Variants in KANSL1L observed in about 807,000 individuals in gnomAD.
KANSL1L encodes KAT8 regulatory NSL complex subunit 1-like protein.
Under a neutral mutation model 108.6 loss-of-function variants are expected in KANSL1L, and 25 were observed. That is an observed-to-expected ratio of 0.23 (90% CI 0.17 to 0.32). KANSL1L has a LOEUF of 0.32. KANSL1L is among the 10% of genes least tolerant of loss of function. The pLI is 1.00. For missense variants in KANSL1L, 1,137 were observed against 1,125.7 expected, an observed-to-expected ratio of 1.01 and a Z score of -0.14; for synonymous variants, 405 against 395.1, an observed-to-expected ratio of 1.03 and a Z score of -0.30.
At chr2:210,118,236 AGGCGG>A (rs2094975832) in intron 3 of KANSL1L, among the ~76,000 whole-genome samples, 1 of 150,462 alleles carries the variant, frequency 6.6e-6, no homozygotes, top group South Asian at 2.1e-4. Flanking sequence ...TGGGAGGCCG[AGGCGG>A]GTGGATCACT....
rs761534698 is a variant in KANSL1L, at chr2:210,153,880, G to A, written c.703C>T (p.Leu235Phe). The change falls in exon 2 of 15, where the codon CTT becomes TTT. Residue 235 changes from leucine (L) to phenylalanine (F), a missense_variant. Physicochemically the swap from Leu to Phe is conservative, Grantham distance 22. Coordinates refer to ENST00000281772, the MANE Select transcript of KANSL1L (RefSeq NM_152519.4). ...TTCTGAGTTCTTCTAGCCTGGCTAA[G>A]TAAAATTTTCTGTTTGCTTACACAA... ...LHCVSKQKIL[L>F]SQARRTQKHL... is the part of the protein sequence containing the mutation. The A allele has an allele frequency of 7.4e-6, 12 of 1,612,460 alleles. No homozygotes were observed. The highest frequency in any genetic ancestry group is 1.0e-5 in the Non-Finnish European group (12 of 1,179,670).
chr2:210,043,835 A>G (rs2094194801), intron 7 of KANSL1L, 104 bp downstream of exon 7: 2 of 804,620 alleles, frequency 2.5e-6, no homozygotes, highest in South Asian at 5.1e-5. Context: ...ATATCTACTG[A>G]AAAAAAATTG....
chr2:210,077,965 C>A (rs2094553945), intron 5 of KANSL1L, among the ~76,000 whole-genome samples: 1 of 152,136 alleles, frequency 6.6e-6, no homozygotes, highest in Admixed American at 6.6e-5. Flanking sequence ...AATGGGGATA[C>A]CTTCTGAGAA....
intron 5 of KANSL1L, among the ~76,000 whole-genome samples, chr2:210,085,193 TAAC>T (rs1184884024): frequency 1.3e-5 from 2 of 152,110 alleles, no homozygotes; most frequent in Admixed American, 6.5e-5. Context: ...ATAGTTAAAA[TAAC>T]AATCACTAGA....
intron 2 of KANSL1L, among the ~76,000 whole-genome samples, chr2:210,143,131 T>A (rs988951441): frequency 6.6e-6 from 1 of 152,158 alleles, no homozygotes; most frequent in African/African-American, 2.4e-5. Flanking sequence ...CTGATATTGG[T>A]TACATATGTT....
intron 6 of KANSL1L, among the ~76,000 whole-genome samples, chr2:210,069,172 T>C (rs2094488942): frequency 6.6e-6 from 1 of 152,212 alleles, no homozygotes; most frequent in Non-Finnish European, 1.5e-5. Flanking sequence ...CACCTCACAG[T>C]AGAATATAAT....
intron 2 of KANSL1L, among the ~76,000 whole-genome samples, chr2:210,132,958 A>G (rs942609749): frequency 6.6e-6 from 1 of 152,194 alleles, no homozygotes; most frequent in South Asian, 2.1e-4. Context: ...GGGAAAGTTT[A>G]TAATTATTAA....
At chr2:210,121,258 A>G (rs1315986264) in intron 3 of KANSL1L, among the ~76,000 whole-genome samples, 1 of 152,222 alleles carries the variant, frequency 6.6e-6, no homozygotes, top group African/African-American at 2.4e-5. Flanking sequence ...ATGCCCATCA[A>G]TGGTAGACTG....
intron 2 of KANSL1L, among the ~76,000 whole-genome samples, chr2:210,132,299 A>G (rs1218564877): frequency 1.3e-5 from 2 of 152,200 alleles, no homozygotes; most frequent in Non-Finnish European, 1.5e-5. Flanking sequence ...ATGCACCAGC[A>G]TACTCAGAGT....
At chr2:210,126,438 CTT>C in intron 3 of KANSL1L, among the ~76,000 whole-genome samples, 1 of 152,198 alleles carries the variant, frequency 6.6e-6, no homozygotes, top group Admixed American at 6.5e-5. Context: ...CTCCACAACT[CTT>C]TTTATAGACA....
At chr2:210,084,978 G>C (rs1376557157) in intron 5 of KANSL1L, among the ~76,000 whole-genome samples, 6 of 152,002 alleles carry the variant, frequency 3.9e-5, no homozygotes, top group African/African-American at 7.3e-5. Context: ...AAGAGACTTA[G>C]GAGACATAAT....
At chr2:210,026,369 C>T (rs2125118790) in intron 12 of KANSL1L, 1 of 152,300 alleles carries the variant, frequency 6.6e-6, no homozygotes, top group South Asian at 2.1e-4. Flanking sequence ...TACCTATTCA[C>T]AACCCCTTAC....
At chr2:210,136,148 T>C (rs1030506102) in intron 2 of KANSL1L, among the ~76,000 whole-genome samples, 1 of 152,118 alleles carries the variant, frequency 6.6e-6, no homozygotes, top group South Asian at 2.1e-4. Flanking sequence ...CATCTTGAGA[T>C]CTTATGCAAT....
chr2:210,090,424 A>G (rs1276527979), intron 5 of KANSL1L, among the ~76,000 whole-genome samples: 1 of 152,212 alleles, frequency 6.6e-6, no homozygotes, highest in African/African-American at 2.4e-5. Context: ...GTGGGTTAAG[A>G]CTATAAATTT....
At chr2:210,038,519 G>A (rs1232425099) in intron 8 of KANSL1L, among the ~76,000 whole-genome samples, 1 of 151,956 alleles carries the variant, frequency 6.6e-6, no homozygotes, top group African/African-American at 2.4e-5. Flanking sequence ...TATTTGCATA[G>A]TGTCTGACTA....
At chr2:210,148,855 A>G (rs1436522787) in intron 2 of KANSL1L, among the ~76,000 whole-genome samples, 3 of 152,116 alleles carry the variant, frequency 2.0e-5, no homozygotes, top group Non-Finnish European at 2.9e-5. Flanking sequence ...AATTTTTCCT[A>G]TCAGGGCTAC....
intron 2 of KANSL1L, among the ~76,000 whole-genome samples, chr2:210,137,540 AT>A (rs1442668848): frequency 6.6e-6 from 1 of 152,248 alleles, no homozygotes; most frequent in African/African-American, 2.4e-5. Context: ...CATTTTTAAA[AT>A]ATTACTAGAC....
intron 1 of KANSL1L, among the ~76,000 whole-genome samples, chr2:210,161,462 A>G (rs2095361026): frequency 6.6e-6 from 1 of 152,246 alleles, no homozygotes; most frequent in Non-Finnish European, 1.5e-5. Context: ...GCCTAAATGT[A>G]AAACCTGTAA....
intron 6 of KANSL1L, among the ~76,000 whole-genome samples, chr2:210,070,196 C>G (rs183773543): frequency 2.0e-3 from 278 of 139,308 alleles, no homozygotes; most frequent in Non-Finnish European, 2.5e-3. Context: ...ATATAGCCTT[C>G]TCTGTGTCTC....
Sources: gnomAD v4.1 joint callset for allele counts (sites outside exome capture counted in the v4.1 genomes callset) on GRCh38, gnomAD v4.1.1 for gene constraint, MANE v1.5 for transcripts, NCBI Gene and HGNC (gene_info 2026-07-23, HGNC 2026-07-21) for gene names.